SPECC1L: variants seen among roughly 807,000 people sequenced by gnomAD.
SPECC1L encodes the protein cytospin-A.
SPECC1L carries 40 observed loss-of-function variants against 116.8 expected under a neutral mutation model. The observed-to-expected ratio is 0.34, with a 90% CI of 0.27 to 0.45. The LOEUF (loss-of-function observed/expected upper bound fraction) is 0.45. SPECC1L is among the 20% of genes least tolerant of loss of function. The pLI is 1.00. For synonymous variants in SPECC1L, 504 were observed against 500.6 expected (o/e 1.01, Z -0.09); for missense variants, 1,110 against 1,373.6 (o/e 0.81, Z 3.03).
intron 11 of SPECC1L, among the ~76,000 whole-genome samples, chr22:24,349,096 A>G (rs923272704): frequency 6.6e-6 from 1 of 151,470 alleles, no homozygotes; most frequent in Non-Finnish European, 1.5e-5. Context: ...GCTGTAGTGC[A>G]GTGGCACGAT....
At position 24,302,299 on chromosome 22, in the gene SPECC1L, C is replaced by T; in HGVS notation, c.68C>T (p.Ala23Val). The change falls in exon 3 of 17, where the codon GCA (alanine) becomes GTA (valine). Residue 23 changes from alanine to valine, a missense_variant. By Grantham distance (64) the Ala-to-Val change is moderately conservative (BLOSUM62 0). Around this residue, in one of 4 missense-constraint regions of SPECC1L, gnomAD observed 437 missense variants for 482.6 expected, o/e 0.91. Coordinates refer to ENST00000314328, the MANE Select transcript of SPECC1L (RefSeq NM_015330.6). ...TCTGCAATAAGTAAAACGCAAACAG[C>T]AGAAAAAATTAAACCTGAAAACAGC... ...KVSAISKTQT[A>V]EKIKPENSSS... The T allele has an allele frequency of 6.2e-7, 1 of 1,614,038 alleles. No individual in the cohort carries two copies. The highest frequency in any genetic ancestry group is 1.1e-5 in the South Asian group (1 of 91,074).
chr22:24,368,880 C>T (rs746303449), intron 13 of SPECC1L, among the ~76,000 whole-genome samples: 29 of 152,232 alleles, frequency 1.9e-4, no homozygotes, highest in Non-Finnish European at 3.7e-4. Flanking sequence ...CTCCTGACTT[C>T]AGGTGATCTC....
At chr22:24,343,699 G>C (rs554263306) in intron 10 of SPECC1L, 1 of 178,426 alleles carries the variant, frequency 5.6e-6, no homozygotes, top group Non-Finnish European at 1.2e-5. Flanking sequence ...GGACTCAGGT[G>C]ATTCACCTTC....
At chr22:24,412,760 G>A (rs1055104408) in intron 16 of SPECC1L, 53 bp downstream of exon 16, 4 of 1,590,778 alleles carry the variant, frequency 2.5e-6, no homozygotes, top group Non-Finnish European at 2.6e-6. Context: ...TGGTTAAGAA[G>A]AGTTCAGTCC....
intron 2 of SPECC1L, among the ~76,000 whole-genome samples, chr22:24,280,576 C>CT (rs1569401061): frequency 2.3e-4 from 32 of 138,850 alleles, no homozygotes; most frequent in African/African-American, 5.9e-4. Flanking sequence ...GTTTCAATAA[C>CT]ATTTTTTTTT....
intron 14 of SPECC1L, among the ~76,000 whole-genome samples, chr22:24,399,246 C>T (rs1481254808): frequency 6.6e-6 from 1 of 152,182 alleles, no homozygotes; most frequent in East Asian, 1.9e-4. Flanking sequence ...TTATTCTGAA[C>T]TGTCCCCTCA....
intron 10 of SPECC1L, among the ~76,000 whole-genome samples, chr22:24,341,498 C>A (rs8137109): frequency 6.6e-6 from 1 of 152,170 alleles, no homozygotes; most frequent in Admixed American, 6.5e-5. Flanking sequence ...GAACTAAATA[C>A]CCTCAGAGTA....
chr22:24,288,454 GA>G (rs1193552001), intron 2 of SPECC1L, among the ~76,000 whole-genome samples: 1 of 151,646 alleles, frequency 6.6e-6, no homozygotes, highest in Non-Finnish European at 1.5e-5. Flanking sequence ...ATACTCACTA[GA>G]CACAGGGAAA....
At position 24,316,693 on chromosome 22, in the gene SPECC1L, C is replaced by T. The variant is rs1271192491; in HGVS notation, c.307+3227C>T. Among the ~76,000 whole-genome samples the T allele has an allele frequency of 4.7e-5, 7 of 149,652 alleles. No homozygotes were observed. The East Asian group carries it at 6.0e-4, about 13-fold the overall frequency. On this transcript the variant is annotated intron_variant, in intron 4 of 16. Coordinates refer to ENST00000314328, the MANE Select transcript of SPECC1L (RefSeq NM_015330.6). ...ATGTCTACCTCTTTCTACACAGACA[C>T]GGCAACCATCCGATTTCTCAATCTT... is the stretch of plus-strand genomic sequence containing the variant.
At chr22:24,395,332 C>T (rs376883706) in intron 14 of SPECC1L, among the ~76,000 whole-genome samples, 4 of 152,002 alleles carry the variant, frequency 2.6e-5, no homozygotes, top group African/African-American at 9.7e-5. Context: ...TTGAGGTGAA[C>T]TTTTTGGCCT....
intron 4 of SPECC1L, among the ~76,000 whole-genome samples, chr22:24,320,500 A>G (rs1163163554): frequency 6.6e-6 from 1 of 152,236 alleles, no homozygotes; most frequent in African/African-American, 2.4e-5. Flanking sequence ...ATCTGGAACC[A>G]GACTGCCTGG....
chr22:24,380,115 C>G (rs1473404763), intron 14 of SPECC1L, among the ~76,000 whole-genome samples: 1 of 152,224 alleles, frequency 6.6e-6, no homozygotes, highest in Non-Finnish European at 1.5e-5. Flanking sequence ...AAGTGACCCA[C>G]CCTCCTCAGC....
chr22:24,272,685 C>T (rs1169313464), intron 1 of SPECC1L, among the ~76,000 whole-genome samples: 1 of 150,836 alleles, frequency 6.6e-6, no homozygotes, highest in Non-Finnish European at 1.5e-5. Flanking sequence ...AAAAAAACAG[C>T]TATTACAATA....
chr22:24,330,477 C>T, intron 8 of SPECC1L, 46 bp downstream of exon 8: 1 of 1,595,964 alleles, frequency 6.3e-7, no homozygotes, highest in Non-Finnish European at 8.6e-7. Context: ...CAGTAGAGAA[C>T]ACTTAAATCC....
At chr22:24,278,673 A>G (rs2048883647) in intron 2 of SPECC1L, among the ~76,000 whole-genome samples, 1 of 152,234 alleles carries the variant, frequency 6.6e-6, no homozygotes, top group South Asian at 2.1e-4. Flanking sequence ...AATTACATAT[A>G]TAGCATAGGG....
At position 24,316,656 on chromosome 22, in the gene SPECC1L, T is replaced by G. The variant is rs201528541; in HGVS notation, c.307+3190T>G. ...AATTTTTCTTAGTACAGAACAAAAT[T>G]AAAAGTCTCCCATGTCTACCTCTTT... On this transcript the variant is annotated intron_variant, in intron 4 of 16. Coordinates refer to ENST00000314328, the MANE Select transcript of SPECC1L (RefSeq NM_015330.6). 6.8e-4 allele frequency among the ~76,000 whole-genome samples: 99 copies of G among 145,348 alleles called. 2 individuals carry two copies. Among genetic ancestry groups the G allele is most frequent in the Admixed American group, 1.6e-3 (24 of 14,856 alleles).
Position 24,302,242 on chromosome 22 carries a change from C to T in SPECC1L, c.11C>T (p.Ala4Val), listed in dbSNP as rs771610908. The T allele has an allele frequency of 6.2e-7, 1 of 1,614,016 alleles. No individual in the cohort carries two copies. The highest frequency in any genetic ancestry group is 8.5e-7 in the Non-Finnish European group (1 of 1,179,986). The change falls in exon 3 of 17, where the codon GCA (alanine) becomes GTA (valine). Residue 4 changes from alanine to valine, a missense_variant. Transcript: ENST00000314328. The stretch of plus-strand genomic sequence containing the variant: ...AAGAGGCAGCCCAGAATGAAGAAAG[C>T]AAGCAGGAGTGTTGGCTCAGTGCCT... MKK[A>V]SRSVGSVPKV...
At chr22:24,388,028 T>C (rs2042192521) in intron 14 of SPECC1L, among the ~76,000 whole-genome samples, 1 of 152,222 alleles carries the variant, frequency 6.6e-6, no homozygotes, top group Non-Finnish European at 1.5e-5. Flanking sequence ...TGTGATTTGA[T>C]TGGGTCCACC....
At chr22:24,301,345 T>A (rs5760326) in intron 2 of SPECC1L, among the ~76,000 whole-genome samples, 5,577 of 152,262 alleles carry the variant, frequency 0.037, 306 homozygotes, top group South Asian at 0.12. Context: ...TTACGTGGTC[T>A]TCTTTTATTT....
Sources: gnomAD v4.1 joint callset for allele counts (sites outside exome capture counted in the v4.1 genomes callset) on GRCh38, gnomAD v4.1.1 for gene constraint, gnomAD v4.1.1 regional missense constraint, MANE v1.5 for transcripts, NCBI Gene and HGNC (gene_info 2026-07-23, HGNC 2026-07-21) for gene names.